Variants in OCIAD1 observed in about 807,000 individuals in gnomAD.
The protein encoded by OCIAD1 is OCIA domain containing 1, also known as OCIA domain-containing protein 1.
Under a neutral mutation model 38.9 loss-of-function variants are expected in OCIAD1, and 29 were observed. The observed-to-expected ratio is 0.74, with a 90% CI of 0.55 to 1.02. OCIAD1 has a LOEUF of 1.02. OCIAD1 is among the 50% of genes least tolerant of loss of function. The pLI, the probability that OCIAD1 is intolerant of heterozygous loss-of-function variation, is 0.00. For synonymous variants in OCIAD1, 110 were observed against 92.0 expected (o/e 1.20, Z -1.12); for missense variants, 288 against 289.6 (o/e 0.99, Z 0.04).
upstream of OCIAD1, among the ~76,000 whole-genome samples, chr4:48,828,464 C>T (rs575688882): frequency 3.9e-5 from 6 of 152,206 alleles, no homozygotes; most frequent in Non-Finnish European, 8.8e-5. Flanking sequence ...CCCTTCCACA[C>T]TGTGGAAGCT....
At chr4:48,844,428 A>G (rs980889227) in intron 4 of OCIAD1, among the ~76,000 whole-genome samples, 1 of 152,114 alleles carries the variant, frequency 6.6e-6, no homozygotes, top group African/African-American at 2.4e-5. Context: ...GTCCTGGCCA[A>G]CATGATAAAA....
chr4:48,829,258 C>G (rs561864144), upstream of OCIAD1, among the ~76,000 whole-genome samples: 1 of 151,050 alleles, frequency 6.6e-6, no homozygotes, highest in African/African-American at 2.4e-5. Flanking sequence ...AGGCCCTGTC[C>G]TAAAAAAAAA....
chr4:48,840,329 T>C (rs1778403695), intron 3 of OCIAD1, among the ~76,000 whole-genome samples: 1 of 152,244 alleles, frequency 6.6e-6, no homozygotes, highest in Admixed American at 6.5e-5. Context: ...AGAAAAATGA[T>C]TGCAAATTGT....
chr4:48,845,654 T>C, intron 4 of OCIAD1, among the ~76,000 whole-genome samples: 1 of 152,248 alleles, frequency 6.6e-6, no homozygotes, highest in East Asian at 1.9e-4. Context: ...TAATATATAA[T>C]ATGTATGGCC....
chr4:48,854,036 T>C (rs1036723350), intron 7 of OCIAD1, among the ~76,000 whole-genome samples: 1 of 152,182 alleles, frequency 6.6e-6, no homozygotes, highest in African/African-American at 2.4e-5. Context: ...AGAGAATGGC[T>C]AAAGTCACTA....
chr4:48,842,828 C>A, intron 4 of OCIAD1, 139 bp downstream of exon 4: 1 of 545,890 alleles, frequency 1.8e-6, no homozygotes, highest in Non-Finnish European at 3.1e-6. Context: ...TGAATTTAAA[C>A]GTTTTATCTC....
At chr4:48,829,235 A>G (rs59804982), upstream of OCIAD1, among the ~76,000 whole-genome samples, 4 of 152,154 alleles carry the variant, frequency 2.6e-5, no homozygotes, top group Non-Finnish European at 5.9e-5. Context: ...ACTACGGTCT[A>G]GACAATAGAG....
chr4:48,850,608 T>C (rs1041288850), intron 6 of OCIAD1, among the ~76,000 whole-genome samples: 6 of 152,172 alleles, frequency 3.9e-5, no homozygotes, highest in African/African-American at 1.4e-4. Context: ...AGTTTCACTC[T>C]GGCTCCCAGG....
At chr4:48,816,645 A>G (rs1446278291) in intron 1 of OCIAD1, among the ~76,000 whole-genome samples, 1 of 152,214 alleles carries the variant, frequency 6.6e-6, no homozygotes, top group Non-Finnish European at 1.5e-5. Flanking sequence ...TTCTCAAAAT[A>G]CAACTTCTTA....
chr4:48,835,676 C>T (rs1777918096), intron 3 of OCIAD1, among the ~76,000 whole-genome samples: 1 of 151,996 alleles, frequency 6.6e-6, no homozygotes. Context: ...TTCAAGCGAT[C>T]TGCCTGCCTT....
chr4:48,835,200 C>T (rs554835904), intron 3 of OCIAD1, among the ~76,000 whole-genome samples: 1 of 152,212 alleles, frequency 6.6e-6, no homozygotes, highest in East Asian at 1.9e-4. Flanking sequence ...TCCGAAAGTG[C>T]TGGGATTACA....
intron 1 of OCIAD1, among the ~76,000 whole-genome samples, chr4:48,820,825 A>G (rs576347433): frequency 2.0e-4 from 30 of 152,332 alleles, no homozygotes; most frequent in South Asian, 1.2e-3. Flanking sequence ...TCCTGGACAC[A>G]TACACACTTT....
At chr4:48,844,161 A>G (rs867607612) in intron 4 of OCIAD1, among the ~76,000 whole-genome samples, 1 of 152,168 alleles carries the variant, frequency 6.6e-6, no homozygotes, top group Non-Finnish European at 1.5e-5. Flanking sequence ...GATGAAGACA[A>G]ATAGGCATAA....
intron 1 of OCIAD1, among the ~76,000 whole-genome samples, chr4:48,823,561 TA>T (rs11336762): frequency 0.087 from 12,379 of 141,980 alleles, 638 homozygotes; most frequent in African/African-American, 0.11. Flanking sequence ...TAAAGTAAAA[TA>T]AAAAAAAAAA....
chr4:48,821,422 T>C (rs1020648762), intron 1 of OCIAD1, among the ~76,000 whole-genome samples: 1 of 152,220 alleles, frequency 6.6e-6, no homozygotes, highest in African/African-American at 2.4e-5. Context: ...GAGCTATTTA[T>C]GACAAACGCA....
upstream of OCIAD1, chr4:48,830,883 C>T (rs888416271): frequency 6.5e-6 from 1 of 154,578 alleles, no homozygotes; most frequent in African/African-American, 2.4e-5. Context: ...TCCCCGCCAT[C>T]CAGGGAAGGG....
intron 1 of OCIAD1, among the ~76,000 whole-genome samples, chr4:48,811,461 C>T (rs1324604896): frequency 1.3e-5 from 2 of 152,208 alleles, no homozygotes; most frequent in Non-Finnish European, 2.9e-5. Flanking sequence ...TCATTAATTA[C>T]ACTCCAGCAG....
chr4:48,826,562 C>T (rs1777253414), upstream of OCIAD1, among the ~76,000 whole-genome samples: 1 of 151,970 alleles, frequency 6.6e-6, no homozygotes, highest in African/African-American at 2.4e-5. Context: ...TTCCCTTTGC[C>T]AATTACAATT....
intron 5 of OCIAD1, among the ~76,000 whole-genome samples, chr4:48,849,501 A>G (rs1560433684): frequency 6.6e-6 from 1 of 152,122 alleles, no homozygotes; most frequent in Non-Finnish European, 1.5e-5. Flanking sequence ...CTTTAAAACA[A>G]TCTTGTGAAA....
Sources: gnomAD v4.1 joint callset for allele counts (sites outside exome capture counted in the v4.1 genomes callset) on GRCh38, gnomAD v4.1.1 for gene constraint, MANE v1.5 for transcripts, NCBI Gene and HGNC (gene_info 2026-07-23, HGNC 2026-07-21) for gene names.